The following NEK9 variants were observed in gnomAD, a reference collection of about 807,000 sequenced individuals.
The protein encoded by NEK9 is serine/threonine-protein kinase Nek9.
A neutral mutation model predicts 123.4 loss-of-function variants in NEK9; 75 were observed. The ratio of observed to expected loss-of-function variants is 0.61; its 90% confidence interval spans 0.50 to 0.74. NEK9 has a LOEUF of 0.74. NEK9 is among the 30% of genes least tolerant of loss of function. The pLI is 0.00. For missense variants in NEK9, 952 were observed against 1,214.4 expected, an observed-to-expected ratio of 0.78 and a Z score of 3.21; for synonymous variants, 438 against 458.7, an observed-to-expected ratio of 0.95 and a Z score of 0.58.
intron 1 of NEK9, among the ~76,000 whole-genome samples, chr14:75,125,636 A>G (rs1380725384): frequency 6.6e-6 from 1 of 152,230 alleles, no homozygotes; most frequent in African/African-American, 2.4e-5. Context: ...TTTGAGTGCA[A>G]AAAAGAAAAC....
intron 10 of NEK9, among the ~76,000 whole-genome samples, chr14:75,108,723 T>C (rs1428727499): frequency 6.6e-6 from 1 of 151,692 alleles, no homozygotes; most frequent in African/African-American, 2.4e-5. Flanking sequence ...CTCAGCTAAC[T>C]TTTGTATTTT....
intron 8 of NEK9, among the ~76,000 whole-genome samples, chr14:75,111,032 C>T (rs1011488534): frequency 2.0e-5 from 3 of 152,158 alleles, no homozygotes; most frequent in East Asian, 1.9e-4. Context: ...TTTTACTATA[C>T]TAATTTAACA....
chr14:75,091,693 AATG>A (rs1162951464), intron 18 of NEK9: 7 of 432,606 alleles, frequency 1.6e-5, no homozygotes, highest in African/African-American at 1.0e-4. Flanking sequence ...GGATGCTCAT[AATG>A]ATAATTCACT....
chr14:75,123,197 T>C (rs1181606967), intron 2 of NEK9, among the ~76,000 whole-genome samples: 1 of 152,010 alleles, frequency 6.6e-6, no homozygotes, highest in Non-Finnish European at 1.5e-5. Flanking sequence ...GGTCAGGAGT[T>C]CGAGACCAGT....
At position 75,080,999 on chromosome 14, in the gene NEK9, C is replaced by G. The variant is rs1359306732; in HGVS notation, c.*3565G>C. 4 of 145,890 alleles carry G rather than the reference C, an allele frequency of 2.7e-5. No homozygotes were observed. Among genetic ancestry groups the G allele is most frequent in the Admixed American group, 6.9e-5 (1 of 14,516 alleles). 9.0% of individuals were successfully genotyped at this position (145,890 alleles called of 1,614,324 possible). ...CACTCTGTCGCCCAGGCTGGAGTAC[C>G]GTGGCGCAATCTCAGCTCACTGCAA... On this transcript the variant is annotated 3_prime_UTR_variant, in exon 22 of 22. Coordinates refer to ENST00000238616, the MANE Select transcript of NEK9 (RefSeq NM_033116.6).
intron 3 of NEK9, 78 bp downstream of exon 3, chr14:75,121,041 G>T: frequency 8.8e-7 from 1 of 1,140,906 alleles, no homozygotes; most frequent in Non-Finnish European, 1.3e-6. Context: ...CTTCACTATT[G>T]GAAGAGTAAA....
intron 1 of NEK9, 72 bp downstream of exon 1, chr14:75,126,631 C>G: frequency 8.2e-7 from 1 of 1,217,600 alleles, no homozygotes; most frequent in Non-Finnish European, 1.1e-6. Context: ...GCTGGGAAAG[C>G]GGGGCCGAGA....
At chr14:75,126,601 T>C in intron 1 of NEK9, 102 bp downstream of exon 1, 1 of 900,244 alleles carries the variant, frequency 1.1e-6, no homozygotes, top group Non-Finnish European at 1.6e-6. Flanking sequence ...CGTGGGCGCC[T>C]AAAGCACTAA....
At chr14:75,126,660 C>T (rs2139820118) in intron 1 of NEK9, 43 bp downstream of exon 1, 1 of 1,361,720 alleles carries the variant, frequency 7.3e-7, no homozygotes, top group East Asian at 3.1e-5. Context: ...CTCGGGGCGA[C>T]CCGACAGCGC....
At chr14:75,109,628 G>T in intron 10 of NEK9, 57 bp downstream of exon 10, 1 of 1,485,270 alleles carries the variant, frequency 6.7e-7, no homozygotes, top group Non-Finnish European at 9.2e-7. Context: ...AGACATCGTG[G>T]GCCCAGTAAA....
intron 19 of NEK9, among the ~76,000 whole-genome samples, chr14:75,089,310 CT>C (rs1454720330): frequency 6.6e-6 from 1 of 152,114 alleles, no homozygotes; most frequent in Admixed American, 6.5e-5. Flanking sequence ...TCACTGCAAC[CT>C]TCACCTCCCA....
At chr14:75,105,436 C>T (rs1469111994) in intron 13 of NEK9, among the ~76,000 whole-genome samples, 1 of 152,158 alleles carries the variant, frequency 6.6e-6, no homozygotes, top group African/African-American at 2.4e-5. Context: ...CTGTGCTTTT[C>T]CCCCAGCTGG....
At position 75,124,117 on chromosome 14, in the gene NEK9, T is replaced by A; in HGVS notation, c.326A>T (p.Asp109Val). ...EIVILALLQHDNIIAYYNHFM... is the reference protein window; with the variant it reads ...EIVILALLQHVNIIAYYNHFM... ...GTGATTGTAGTAGGCAATAATGTTG[T>A]CGTGCTGCAGCAGTGCCAGAATAAC... is the stretch of plus-strand genomic sequence containing the variant. The change falls in exon 2 of 22, where the codon GAC becomes GTC. Residue 109 changes from aspartate (D) to valine (V), a missense_variant. Physicochemically the swap from Asp to Val is radical, Grantham distance 152. Transcript: ENST00000238616. 6 of 1,614,114 alleles carry A rather than the reference T, an allele frequency of 3.7e-6. No homozygotes were observed. Among genetic ancestry groups the A allele is most frequent in the Non-Finnish European group, 3.4e-6 (4 of 1,179,928 alleles).
chr14:75,091,193 A>G, intron 19 of NEK9, 77 bp downstream of exon 19: 1 of 1,249,458 alleles, frequency 8.0e-7, no homozygotes, highest in Non-Finnish European at 1.1e-6. Flanking sequence ...TGGAAAACTG[A>G]GAGACCCTGA....
chr14:75,106,124 G>C, intron 12 of NEK9, 128 bp from the exon 13 acceptor site: 1 of 798,598 alleles, frequency 1.3e-6, no homozygotes, highest in Non-Finnish European at 2.2e-6. Context: ...GGGAGGCCGA[G>C]GCAGGTGGAT....
chr14:75,087,251 T>C (rs1894058941), intron 20 of NEK9, 21 bp from the exon 21 acceptor site: 2 of 1,580,612 alleles, frequency 1.3e-6, no homozygotes, highest in Admixed American at 1.7e-5. Context: ...AAGAAGGAGA[T>C]TGCAGGAGGT....
chr14:75,105,973 C>T lies in NEK9; in HGVS notation c.1552G>A (p.Glu518Lys). The T allele has an allele frequency of 1.2e-6, 2 of 1,613,784 alleles. No homozygotes were observed. Among genetic ancestry groups the T allele is most frequent in the South Asian group, 2.2e-5 (2 of 91,062 alleles). Reference sequence around the variant, plus strand: ...ACCTTTTGTGGTGTATAATAATCCTCTTCTGAATCCAAACCCAGTCGTCCT... The same window carrying T: ...ACCTTTTGTGGTGTATAATAATCCTTTTCTGAATCCAAACCCAGTCGTCCT... ...EYGRLGLDSE[E>K]DYYTPQKVDV... The change falls in exon 13 of 22, where the codon GAG becomes AAG. Residue 518 changes from glutamate to lysine, a missense_variant. Coordinates refer to ENST00000238616, the MANE Select transcript of NEK9 (RefSeq NM_033116.6).
In NEK9 at chr14:75,080,072, C is replaced by T. The variant is rs1170562995; in HGVS notation, c.*4492G>A. 2 of 152,308 alleles carry T rather than the reference C, an allele frequency of 1.3e-5. No individual in the cohort carries two copies. The highest frequency in any genetic ancestry group is 2.9e-5 in the Non-Finnish European group (2 of 68,166). 9.4% of individuals were successfully genotyped at this position (152,308 alleles called of 1,614,324 possible). On this transcript the variant is annotated 3_prime_UTR_variant, in exon 22 of 22. Transcript: ENST00000238616. Reference sequence around the variant, plus strand: ...CAAGGCCGAGCATGGTGGCTCATGCCTGTAATCCCAGCACTTTGGGAGGCC... The same window carrying T: ...CAAGGCCGAGCATGGTGGCTCATGCTTGTAATCCCAGCACTTTGGGAGGCC...
At chr14:75,106,097 T>G in intron 12 of NEK9, 101 bp from the exon 13 acceptor site, 2 of 1,045,334 alleles carry the variant, frequency 1.9e-6, no homozygotes, top group Non-Finnish European at 1.5e-6. Context: ...GGCTCACACC[T>G]GTAATCCCAG....
Sources: allele counts gnomAD v4.1 joint callset (sites outside exome capture counted in the v4.1 genomes callset), GRCh38; gene constraint gnomAD v4.1.1; transcripts MANE v1.5; gene names NCBI Gene and HGNC (gene_info 2026-07-23, HGNC 2026-07-21).